Variants in MAL2 observed in about 807,000 individuals in gnomAD.
MAL2 encodes mal, T cell differentiation protein 2.
In MAL2, 17 loss-of-function variants were observed where a neutral mutation model predicts 18.1. The ratio of observed to expected loss-of-function variants is 0.94; its 90% CI spans 0.64 to 1.41. The LOEUF is 1.41. Ranked by LOEUF, MAL2 falls within the 40% of genes most tolerant of loss-of-function variation. The pLI, the probability that MAL2 is intolerant of heterozygous loss-of-function variation, is 0.00. For missense variants in MAL2, 222 were observed against 231.9 expected, an observed-to-expected ratio of 0.96 and a Z score of 0.28; for synonymous variants, 102 against 102.3, an observed-to-expected ratio of 1.00 and a Z score of 0.02.
intron 3 of MAL2, 136 bp from the exon 4 acceptor site, chr8:119,243,281 A>C: frequency 5.5e-6 from 3 of 548,368 alleles, no homozygotes; most frequent in Non-Finnish European, 6.0e-6. Flanking sequence ...AAAAAAAAAC[A>C]ATGTAAAATA....
At chr8:119,236,223 C>A (rs1377534488) in intron 2 of MAL2, among the ~76,000 whole-genome samples, 9 of 116,092 alleles carry the variant, frequency 7.8e-5, no homozygotes, top group African/African-American at 1.1e-4. Flanking sequence ...GTAAAGGGAT[C>A]AATTCAACAA....
intron 2 of MAL2, among the ~76,000 whole-genome samples, chr8:119,227,028 A>C (rs1817610815): frequency 6.6e-6 from 1 of 152,214 alleles, no homozygotes; most frequent in Non-Finnish European, 1.5e-5. Flanking sequence ...ACAGTCCACC[A>C]GGGGTTGGGA....
Position 119,243,542 on chromosome 8 carries a change from T to C in MAL2, c.*54T>C. ...TAGTTTCACTTGTCTACTTTATATG[T>C]CTGATCAATTTGGATACCATTTTGT... On this transcript the variant is annotated 3_prime_UTR_variant, in exon 4 of 4. Transcript: ENST00000614891. The C allele has an allele frequency of 6.8e-7, 1 of 1,463,536 alleles. No individual in the cohort carries two copies. Among genetic ancestry groups the C allele is most frequent in the Non-Finnish European group, 9.2e-7 (1 of 1,084,204 alleles). 90.7% of individuals were successfully genotyped at this position (1,463,536 alleles called of 1,614,324 possible). A position where few individuals can be genotyped will look rare whatever the true frequency, so the allele number is the denominator to read the frequency against.
intron 2 of MAL2, among the ~76,000 whole-genome samples, chr8:119,234,144 T>C (rs1017865412): frequency 9.2e-5 from 14 of 152,096 alleles, no homozygotes; most frequent in Non-Finnish European, 1.6e-4. Context: ...TTGCCTCACT[T>C]GGGAAGCGCA....
chr8:119,235,659 A>G (rs1279348261), intron 2 of MAL2, among the ~76,000 whole-genome samples: 1 of 151,784 alleles, frequency 6.6e-6, no homozygotes, highest in Non-Finnish European at 1.5e-5. Context: ...TTCTTAAAGA[A>G]TTTTCAACCC....
chr8:119,225,833 C>G (rs928253961), intron 2 of MAL2, among the ~76,000 whole-genome samples: 3 of 152,156 alleles, frequency 2.0e-5, no homozygotes, highest in African/African-American at 7.2e-5. Flanking sequence ...GAGATGGTAT[C>G]TCATTGTGGT....
rs76678893 is a variant in MAL2 at position 119,240,488 on chromosome 8, T to A, written c.459+168T>A. 7.8e-3 allele frequency among the ~76,000 whole-genome samples: 1,189 copies of A among 152,282 alleles called. 14 individuals carry two copies. Among genetic ancestry groups the A allele is most frequent in the African/African-American group, 0.025 (1,042 of 41,552 alleles). Reference sequence around the variant, plus strand: ...TAACCTTGTAAGCAAAGTGCCATGATCACCCCCAGTGTTGTGGATGATTAA... The same window carrying A: ...TAACCTTGTAAGCAAAGTGCCATGAACACCCCCAGTGTTGTGGATGATTAA... On this transcript the variant is annotated intron_variant, in intron 3 of 3. Coordinates refer to ENST00000614891, the MANE Select transcript of MAL2 (RefSeq NM_052886.3).
chr8:119,221,899 G>A (rs78531575), intron 2 of MAL2, 142 bp downstream of exon 2: 62,620 of 866,398 alleles, frequency 0.072, 2,683 homozygotes, highest in Non-Finnish European at 0.085. Context: ...GTGGTGCTGC[G>A]GTGGTGTGTG....
At chr8:119,237,731 T>C (rs1408466117) in intron 2 of MAL2, among the ~76,000 whole-genome samples, 1 of 151,648 alleles carries the variant, frequency 6.6e-6, no homozygotes, top group Non-Finnish European at 1.5e-5. Flanking sequence ...TTTGACAAAA[T>C]TCAACAACCC....
chr8:119,219,037 ATATT>A (rs1159815985), intron 1 of MAL2, among the ~76,000 whole-genome samples: 3 of 152,240 alleles, frequency 2.0e-5, no homozygotes, highest in African/African-American at 7.2e-5. Context: ...TCGCCTTCAG[ATATT>A]TATTTAATAG....
At position 119,208,439 on chromosome 8, in the gene MAL2, CG is replaced by C; in HGVS notation, c.-32del. 1 of 1,146,026 alleles carries C rather than the reference CG, an allele frequency of 8.7e-7. No individual in the cohort carries two copies. Among genetic ancestry groups the C allele is most frequent in the Middle Eastern group, 3.6e-4 (1 of 2,796 alleles). The allele number at this position is 1,146,026 out of a possible 1,614,324, so 71.0% of individuals were successfully genotyped here. ...GGGAGGCGGAGGCGGGAGGCGGCGG[CG>C]GCGCGCGGAGACGCAGCAGCGGCAG... On this transcript the variant is annotated 5_prime_UTR_variant, in exon 1 of 4. Coordinates refer to ENST00000614891, the MANE Select transcript of MAL2 (RefSeq NM_052886.3). This position sits in a 1 kb window ranked among gnomAD's most constrained non-coding sequence, Gnocchi z 4.3.
chr8:119,220,419 A>G (rs1413423941), intron 1 of MAL2, among the ~76,000 whole-genome samples: 3 of 152,194 alleles, frequency 2.0e-5, no homozygotes, highest in Admixed American at 1.3e-4. Flanking sequence ...TGAGAAACAC[A>G]GAGATGTGCT....
intron 2 of MAL2, among the ~76,000 whole-genome samples, chr8:119,234,373 G>C (rs997048367): frequency 1.6e-4 from 24 of 152,166 alleles, no homozygotes; most frequent in African/African-American, 5.8e-4. Flanking sequence ...GCGGCAACAA[G>C]GCTGGGGGAG....
chr8:119,208,660 T>C lies in MAL2; in HGVS notation c.132+56T>C. On this transcript the variant is annotated intron_variant, in intron 1 of 3. Coordinates refer to ENST00000614891, the MANE Select transcript of MAL2 (RefSeq NM_052886.3). This position sits in a 1 kb window ranked among gnomAD's most constrained non-coding sequence, Gnocchi z 4.3. ...CGGGGAGCGAGGACAGGCGGCGGCATCCTTGTCCCCCGGGCTGTCTTCCTC... is the reference window on the plus strand; with the variant it reads ...CGGGGAGCGAGGACAGGCGGCGGCACCCTTGTCCCCCGGGCTGTCTTCCTC... The C allele has an allele frequency of 8.0e-7, 1 of 1,251,572 alleles. No individual in the cohort carries two copies. 77.5% of individuals were successfully genotyped at this position (1,251,572 alleles called of 1,614,324 possible). A position where few individuals can be genotyped will look rare whatever the true frequency, so the allele number is the denominator to read the frequency against.
intron 2 of MAL2, among the ~76,000 whole-genome samples, chr8:119,232,361 C>A (rs1817751809): frequency 6.6e-6 from 1 of 151,960 alleles, no homozygotes; most frequent in Non-Finnish European, 1.5e-5. Context: ...AGAAGAAATT[C>A]TTTGTAAAAT....
chr8:119,232,365 G>A (rs1474664771), intron 2 of MAL2, among the ~76,000 whole-genome samples: 1 of 152,050 alleles, frequency 6.6e-6, no homozygotes, highest in Non-Finnish European at 1.5e-5. Context: ...GAAATTCTTT[G>A]TAAAATGGAG....
At chr8:119,224,608 G>A (rs1042401129) in intron 2 of MAL2, among the ~76,000 whole-genome samples, 1 of 151,808 alleles carries the variant, frequency 6.6e-6, no homozygotes, top group East Asian at 1.9e-4. Flanking sequence ...GAATTGCATA[G>A]TGGTGAAATC....
chr8:119,232,532 C>A (rs1382699668), intron 2 of MAL2, among the ~76,000 whole-genome samples: 1 of 152,040 alleles, frequency 6.6e-6, no homozygotes, highest in South Asian at 2.1e-4. Context: ...ATGTCAGCAA[C>A]ATACAAAGAA....
intron 2 of MAL2, among the ~76,000 whole-genome samples, chr8:119,238,141 A>C (rs1344413842): frequency 6.6e-6 from 1 of 152,250 alleles, no homozygotes; most frequent in Non-Finnish European, 1.5e-5. Flanking sequence ...ATATACCAAT[A>C]ACATACAAAC....
Sources: allele counts gnomAD v4.1 joint callset (sites outside exome capture counted in the v4.1 genomes callset), GRCh38; gene constraint gnomAD v4.1.1; non-coding constraint Gnocchi (gnomAD v3.1); transcripts MANE v1.5; gene names NCBI Gene and HGNC (gene_info 2026-07-23, HGNC 2026-07-21).